DLGAP1: variants seen among roughly 807,000 people sequenced by gnomAD.
DLGAP1 encodes the protein DLG associated protein 1.
A neutral mutation model predicts 90.8 loss-of-function variants in DLGAP1; 11 were observed. That is an observed-to-expected ratio of 0.12 (90% CI 0.08 to 0.20). The LOEUF (loss-of-function observed/expected upper bound fraction) is 0.20. Among genes scored for constraint, DLGAP1 ranks in the 10% least tolerant of loss-of-function variants. The pLI, the probability that DLGAP1 is intolerant of heterozygous loss-of-function variation, is 1.00. For missense variants in DLGAP1, 1,050 were observed against 1,333.8 expected (o/e 0.79, Z 3.31); for synonymous variants, 558 against 540.7 (o/e 1.03, Z -0.44).
At chr18:4,343,995 A>G (rs981424546) in intron 1 of DLGAP1, among the ~76,000 whole-genome samples, 1 of 152,228 alleles carries the variant, frequency 6.6e-6, no homozygotes, top group Non-Finnish European at 1.5e-5. Context: ...CAAAATGATG[A>G]TGATGAATTG....
intron 7 of DLGAP1, among the ~76,000 whole-genome samples, chr18:3,618,692 A>C: frequency 6.6e-6 from 1 of 151,104 alleles, no homozygotes; most frequent in African/African-American, 2.4e-5. Flanking sequence ...TAATCCCAGC[A>C]CTTTGGGAGG....
intron 7 of DLGAP1, among the ~76,000 whole-genome samples, chr18:3,682,058 C>T (rs923924250): frequency 2.7e-5 from 4 of 149,250 alleles, no homozygotes; most frequent in Non-Finnish European, 4.4e-5. Flanking sequence ...GCAGAAGTTG[C>T]AGTGAGCTGA....
intron 10 of DLGAP1, among the ~76,000 whole-genome samples, chr18:3,510,441 A>G (rs2143853866): frequency 6.6e-6 from 1 of 152,348 alleles, no homozygotes; most frequent in East Asian, 1.9e-4. Context: ...AGAGAAAAGG[A>G]AAAAACAAAG....
intron 7 of DLGAP1, among the ~76,000 whole-genome samples, chr18:3,702,984 G>A (rs973698792): frequency 1.3e-5 from 2 of 152,182 alleles, no homozygotes; most frequent in Non-Finnish European, 2.9e-5. Context: ...TAGGACAAAG[G>A]CAAGCAAGGG....
At chr18:3,972,362 T>TA (rs200269730) in intron 3 of DLGAP1, among the ~76,000 whole-genome samples, 33 of 152,132 alleles carry the variant, frequency 2.2e-4, no homozygotes, top group Admixed American at 7.2e-4. Context: ...AAAATAATTT[T>TA]AAAAAATTAT....
chr18:4,426,102 G>A (rs1007233245), intron 1 of DLGAP1, among the ~76,000 whole-genome samples: 3 of 152,172 alleles, frequency 2.0e-5, no homozygotes, highest in Non-Finnish European at 2.9e-5. Flanking sequence ...AAAGGCAAAA[G>A]ATAAAAGTTC....
chr18:3,602,610 A>AC (rs1769861366), intron 7 of DLGAP1, among the ~76,000 whole-genome samples: 2 of 151,714 alleles, frequency 1.3e-5, no homozygotes, highest in African/African-American at 2.4e-5. Context: ...AAAAAAAAAA[A>AC]AAAAAACAAA....
At chr18:4,334,113 C>T (rs2081015664) in intron 1 of DLGAP1, among the ~76,000 whole-genome samples, 1 of 151,400 alleles carries the variant, frequency 6.6e-6, no homozygotes, top group Non-Finnish European at 1.5e-5. Flanking sequence ...TGGCACATGC[C>T]TGTAATCCCA....
intron 3 of DLGAP1, among the ~76,000 whole-genome samples, chr18:3,958,523 C>G (rs1226154362): frequency 7.2e-6 from 1 of 138,574 alleles, no homozygotes; most frequent in Non-Finnish European, 1.5e-5. Flanking sequence ...GTCAAGTACT[C>G]AAGATTGGCC....
At chr18:3,592,590 G>C (rs190925985) in intron 7 of DLGAP1, among the ~76,000 whole-genome samples, 3 of 152,098 alleles carry the variant, frequency 2.0e-5, no homozygotes, top group Admixed American at 6.5e-5. Flanking sequence ...TGTAATCCCA[G>C]CACTTTGGGA....
chr18:4,192,581 C>A (rs1470440804), intron 1 of DLGAP1, among the ~76,000 whole-genome samples: 1 of 152,190 alleles, frequency 6.6e-6, no homozygotes, highest in Non-Finnish European at 1.5e-5. Context: ...GTAAATGTAA[C>A]CTCTTTTGAT....
chr18:4,083,793 A>C lies in DLGAP1; in HGVS notation c.-159+67387T>G, dbSNP rs9953374. Among the ~76,000 whole-genome samples, 575 of 151,912 alleles carry C rather than the reference A, an allele frequency of 3.8e-3. 2 individuals carry two copies. The highest frequency in any genetic ancestry group is 0.013 in the African/African-American group (535 of 41,408). ...GCGTGGGCTCTGACCCCATGGTAGCATCTAGGGTTGAGTGTTGACAGCTCC... is the reference window on the plus strand; with the variant it reads ...GCGTGGGCTCTGACCCCATGGTAGCCTCTAGGGTTGAGTGTTGACAGCTCC... On this transcript the variant is annotated intron_variant, in intron 2 of 12. Coordinates refer to ENST00000315677, the MANE Select transcript of DLGAP1 (RefSeq NM_004746.4).
At chr18:3,505,544 A>T (rs1818676714) in intron 11 of DLGAP1, among the ~76,000 whole-genome samples, 1 of 149,784 alleles carries the variant, frequency 6.7e-6, no homozygotes, top group African/African-American at 2.5e-5. Context: ...AGGCTGAGGC[A>T]GGAGAATTGC....
chr18:3,977,497 G>C (rs1045205889), intron 3 of DLGAP1, among the ~76,000 whole-genome samples: 1 of 130,948 alleles, frequency 7.6e-6, no homozygotes, highest in Non-Finnish European at 1.5e-5. Flanking sequence ...ATGAGGTAGG[G>C]CTCCCCTAGG....
chr18:4,284,686 G>A lies in DLGAP1; in HGVS notation c.-266-133399C>T, dbSNP rs137864171. On this transcript the variant is annotated intron_variant, in intron 1 of 12. Coordinates refer to ENST00000315677, the MANE Select transcript of DLGAP1 (RefSeq NM_004746.4). The stretch of plus-strand genomic sequence containing the variant: ...CTTTCACTATGTTACAACTAAGGAG[G>A]TGGGGTCAGACCCATGGCCTTCTGG... Among the ~76,000 whole-genome samples, 495 of 152,326 alleles carry A rather than the reference G, an allele frequency of 3.2e-3. 1 individual carries two copies. Among genetic ancestry groups the A allele is most frequent in the African/African-American group, 0.01 (435 of 41,574 alleles).
intron 1 of DLGAP1, among the ~76,000 whole-genome samples, chr18:4,303,304 A>T (rs1043289440): frequency 2.0e-5 from 3 of 152,118 alleles, no homozygotes; most frequent in Non-Finnish European, 4.4e-5. Flanking sequence ...TTGGGAGACC[A>T]GGTTAATGTG....
rs1392053487 is a variant in DLGAP1, at chr18:3,705,654, T to C, written c.1591+23481A>G. 4.7e-5 allele frequency among the ~76,000 whole-genome samples: 7 copies of C among 149,838 alleles called. No individual in the cohort carries two copies. In the Admixed American group the frequency reaches 4.7e-4, roughly 10 times the overall value. ...CCCAGTATAATAATAATAATAGTAA[T>C]TATTATTATTATTATTATTTTTGAG... On this transcript the variant is annotated intron_variant, in intron 7 of 12. Transcript: ENST00000315677.
intron 11 of DLGAP1, among the ~76,000 whole-genome samples, chr18:3,503,894 G>A (rs1003716976): frequency 1.3e-5 from 2 of 152,148 alleles, no homozygotes; most frequent in African/African-American, 4.8e-5. Context: ...TCAGGAGTTC[G>A]AGACCAGCCT....
At chr18:4,371,447 C>T (rs771325646) in intron 1 of DLGAP1, among the ~76,000 whole-genome samples, 81 of 152,308 alleles carry the variant, frequency 5.3e-4, no homozygotes, top group Middle Eastern at 3.4e-3. Flanking sequence ...CAGATAGCAT[C>T]ACATGCGTTT....
Sources: gnomAD v4.1 joint callset for allele counts (sites outside exome capture counted in the v4.1 genomes callset) on GRCh38, gnomAD v4.1.1 for gene constraint, MANE v1.5 for transcripts, NCBI Gene and HGNC (gene_info 2026-07-23, HGNC 2026-07-21) for gene names.